ZSWIM7: variants seen among roughly 807,000 people sequenced by gnomAD.
The protein encoded by ZSWIM7 is zinc finger SWIM domain-containing protein 7.
ZSWIM7 carries 22 observed loss-of-function variants against 21.1 expected under a neutral mutation model. That is an observed-to-expected ratio of 1.04 (90% CI 0.74 to 1.49). ZSWIM7 has a LOEUF of 1.49. ZSWIM7 is among the 40% of genes most tolerant of loss of function. ZSWIM7 has a pLI of 0.00. For synonymous variants in ZSWIM7, 67 were observed against 66.5 expected (o/e 1.01, Z -0.04); for missense variants, 193 against 168.0 (o/e 1.15, Z -0.82).
In ZSWIM7 at chr17:15,999,577, C is replaced by G; in HGVS notation, c.18G>C (p.Pro6=). The change falls in exon 1 of 5, where the codon CCG becomes CCC. Residue 6 remains proline, a synonymous_variant. Coordinates refer to ENST00000399277, the MANE Select transcript of ZSWIM7 (RefSeq NM_001042697.2). The part of the protein sequence containing the change: MAVVL[P]AVVEELLSEM... ...CGCTCAGGAGCTCCTCCACAACCGCCGGCAACACTACGGCCATCGCGCCGC... is the reference window on the plus strand; with the variant it reads ...CGCTCAGGAGCTCCTCCACAACCGCGGGCAACACTACGGCCATCGCGCCGC... 1 of 1,590,374 alleles carries G rather than the reference C, an allele frequency of 6.3e-7. No individual in the cohort carries two copies. Among genetic ancestry groups the G allele is most frequent in the Non-Finnish European group, 8.5e-7 (1 of 1,169,660 alleles).
In ZSWIM7 at chr17:15,979,851, ACGGGGCGGCTGGCCGGG is replaced by A. The variant is rs1170776087; in HGVS notation, c.306+1172_306+1188del. ...GCTGACCCCCCCACCTCCCTCCCGG[ACGGGGCGGCTGGCCGGG>A]CGGGGGGCTGACCCCCCCACCTCCC... On this transcript the variant is annotated intron_variant, in intron 4 of 4. Coordinates refer to ENST00000399277, the MANE Select transcript of ZSWIM7 (RefSeq NM_001042697.2). Among the ~76,000 whole-genome samples, 145 of 97,694 alleles carry A rather than the reference ACGGGGCGGCTGGCCGGG, an allele frequency of 1.5e-3. 15 individuals are homozygous for A. The highest frequency in any genetic ancestry group is 4.3e-3 in the African/African-American group (100 of 23,108). The allele number at this position is 97,694 out of a possible 152,430, so 64.1% of individuals were successfully genotyped here.
At chr17:15,987,831 A>C (rs919757553) in intron 2 of ZSWIM7, among the ~76,000 whole-genome samples, 1 of 152,048 alleles carries the variant, frequency 6.6e-6, no homozygotes, top group Non-Finnish European at 1.5e-5. Flanking sequence ...GCTGCTCTCA[A>C]ACTCCAGACC....
chr17:15,978,767 C>T (rs1194378305), intron 4 of ZSWIM7, among the ~76,000 whole-genome samples: 2 of 152,146 alleles, frequency 1.3e-5, no homozygotes, highest in Non-Finnish European at 2.9e-5. Flanking sequence ...GCACTCCTCA[C>T]GTTAGTCCTA....
chr17:15,995,289 C>T (rs1295086663), intron 1 of ZSWIM7, among the ~76,000 whole-genome samples: 8 of 147,720 alleles, frequency 5.4e-5, no homozygotes, highest in African/African-American at 2.0e-4. Flanking sequence ...TTTTTTGAGA[C>T]GGAGTTTCGC....
intron 2 of ZSWIM7, among the ~76,000 whole-genome samples, chr17:15,989,986 C>T (rs540570752): frequency 1.5e-3 from 221 of 152,082 alleles, no homozygotes; most frequent in African/African-American, 4.6e-3. Flanking sequence ...TTTGGGAGGC[C>T]GAGGAAGGTG....
intron 2 of ZSWIM7, among the ~76,000 whole-genome samples, chr17:15,989,743 A>G (rs1452942902): frequency 2.6e-5 from 4 of 151,652 alleles, no homozygotes; most frequent in Non-Finnish European, 4.4e-5. Context: ...TGATCCTCCC[A>G]CCACCTCAGC....
intron 1 of ZSWIM7, 54 bp downstream of exon 1, chr17:15,999,465 C>T (rs1476851724): frequency 1.3e-6 from 2 of 1,582,220 alleles, no homozygotes; most frequent in Middle Eastern, 2.1e-4. Context: ...CCGGCGGTGC[C>T]CGGATGCCCC....
chr17:15,989,877 A>G (rs1315232231), intron 2 of ZSWIM7, among the ~76,000 whole-genome samples: 2 of 152,038 alleles, frequency 1.3e-5, no homozygotes, highest in Admixed American at 6.6e-5. Context: ...AGCGATCCTC[A>G]TATTACAGGC....
chr17:15,978,956 T>G (rs966216080), intron 4 of ZSWIM7, among the ~76,000 whole-genome samples: 4 of 151,648 alleles, frequency 2.6e-5, no homozygotes, highest in Non-Finnish European at 5.9e-5. Flanking sequence ...TCTTTTTTTT[T>G]TTTTTAATTT....
At chr17:15,994,347 T>C (rs1970523380) in intron 1 of ZSWIM7, among the ~76,000 whole-genome samples, 1 of 151,922 alleles carries the variant, frequency 6.6e-6, no homozygotes, top group African/African-American at 2.4e-5. Flanking sequence ...GAGTGGAAAA[T>C]GATTTATAAG....
At chr17:15,982,910 C>T (rs1970371774) in intron 3 of ZSWIM7, among the ~76,000 whole-genome samples, 1 of 152,136 alleles carries the variant, frequency 6.6e-6, no homozygotes, top group African/African-American at 2.4e-5. Flanking sequence ...ACCTTGGCCT[C>T]CCAAAGCACT....
At chr17:15,989,346 C>G (rs1303266138) in intron 2 of ZSWIM7, among the ~76,000 whole-genome samples, 1 of 150,068 alleles carries the variant, frequency 6.7e-6, no homozygotes, top group Admixed American at 6.6e-5. Flanking sequence ...GAGATGGAGT[C>G]TCACTCTGGT....
At chr17:15,979,213 G>T (rs1486870217) in intron 4 of ZSWIM7, among the ~76,000 whole-genome samples, 1 of 151,830 alleles carries the variant, frequency 6.6e-6, no homozygotes, top group Non-Finnish European at 1.5e-5. Flanking sequence ...CTGCCTTCAA[G>T]CATCTGTTTA....
At chr17:15,993,660 C>T in intron 2 of ZSWIM7, 97 bp downstream of exon 2, 1 of 1,002,706 alleles carries the variant, frequency 1.0e-6, no homozygotes, top group African/African-American at 1.6e-5. Flanking sequence ...GCCACTGCGC[C>T]CGGTCAAGAG....
intron 2 of ZSWIM7, among the ~76,000 whole-genome samples, chr17:15,989,323 T>A (rs1350942738): frequency 6.7e-6 from 1 of 148,942 alleles, no homozygotes; most frequent in African/African-American, 2.4e-5. Flanking sequence ...AAAGTTTAAT[T>A]TTTTTTTTTT....
intron 1 of ZSWIM7, among the ~76,000 whole-genome samples, chr17:15,998,990 A>C (rs1970618134): frequency 6.6e-6 from 1 of 152,140 alleles, no homozygotes; most frequent in Admixed American, 6.6e-5. Context: ...TCCTGACCTT[A>C]GGTAATCCAA....
intron 1 of ZSWIM7, among the ~76,000 whole-genome samples, chr17:15,994,461 G>A (rs1049395202): frequency 2.0e-5 from 3 of 152,116 alleles, no homozygotes; most frequent in African/African-American, 4.8e-5. Flanking sequence ...CTAACGAATT[G>A]GTGGCACCAA....
At chr17:15,981,224 C>CA in intron 3 of ZSWIM7, 80 bp from the exon 4 acceptor site, 1 of 1,002,208 alleles carries the variant, frequency 1.0e-6, no homozygotes, top group East Asian at 2.6e-5. Context: ...TATGTAGACT[C>CA]AGAGTTGCTC....
At chr17:15,989,056 A>G (rs1327837224) in intron 2 of ZSWIM7, among the ~76,000 whole-genome samples, 2 of 151,882 alleles carry the variant, frequency 1.3e-5, no homozygotes, top group South Asian at 2.1e-4. Context: ...AGAAAAACCA[A>G]CTTCTACTTT....
Sources: gnomAD v4.1 joint callset for allele counts (sites outside exome capture counted in the v4.1 genomes callset) on GRCh38, gnomAD v4.1.1 for gene constraint, MANE v1.5 for transcripts, NCBI Gene and HGNC (gene_info 2026-07-23, HGNC 2026-07-21) for gene names.